The following GLIS3 variants were observed in gnomAD, a reference collection of about 807,000 sequenced individuals.
The protein encoded by GLIS3 is zinc finger protein GLIS3.
A neutral mutation model predicts 78.6 loss-of-function variants in GLIS3; 53 were observed. The observed-to-expected ratio is 0.67, with a 90% CI of 0.54 to 0.85. GLIS3 has a LOEUF of 0.85. GLIS3 is among the 40% of genes least tolerant of loss of function. The pLI is 0.00. For synonymous variants in GLIS3, 684 were observed against 509.9 expected, an observed-to-expected ratio of 1.34 and a Z score of -4.60; for missense variants, 1,703 against 1,231.1, an observed-to-expected ratio of 1.38 and a Z score of -5.74.
chr9:4,460,490 G>C, the GLIS3 span, among the ~76,000 whole-genome samples: 2 of 152,192 alleles, frequency 1.3e-5, no homozygotes, highest in Non-Finnish European at 2.9e-5. Flanking sequence ...GCGCCATGAA[G>C]ATGTAGGTAT....
Position 4,299,459 on chromosome 9 carries a change from G to T in GLIS3, c.-137C>A, listed in dbSNP as rs1419807296. ...TTTCCACAACAAAGCCCGGCGTGCG[G>T]GTCCCTTCCCCCGGCCGGCCAGCGC... On this transcript the variant is annotated 5_prime_UTR_variant, in exon 1 of 11. Coordinates refer to ENST00000381971, the MANE Select transcript of GLIS3 (RefSeq NM_001042413.2). 3 of 152,476 alleles carry T rather than the reference G, an allele frequency of 2.0e-5. No individual in the cohort carries two copies. Among genetic ancestry groups the T allele is most frequent in the African/African-American group, 7.2e-5 (3 of 41,450 alleles). 9.4% of individuals were successfully genotyped at this position (152,476 alleles called of 1,614,324 possible).
chr9:4,239,461 G>A (rs1018791369), intron 2 of GLIS3, among the ~76,000 whole-genome samples: 1 of 152,002 alleles, frequency 6.6e-6, no homozygotes, highest in Admixed American at 6.6e-5. Context: ...CTGCAGGGTT[G>A]GGGCTATTCC....
At chr9:4,036,513 G>A (rs951225185) in intron 4 of GLIS3, among the ~76,000 whole-genome samples, 2 of 152,230 alleles carry the variant, frequency 1.3e-5, no homozygotes, top group South Asian at 2.1e-4. Flanking sequence ...ATTGGTAACG[G>A]TTTCTATCAG....
At chr9:4,339,863 G>A (rs1444593395) in intron 2 of GLIS3, among the ~76,000 whole-genome samples, 1 of 31,216 alleles carries the variant, frequency 3.2e-5, no homozygotes, top group Non-Finnish European at 6.7e-5. Context: ...GGGGAGGGGT[G>A]GGGGAGGGGA....
the GLIS3 span, among the ~76,000 whole-genome samples, chr9:4,471,584 A>G: frequency 6.6e-6 from 1 of 152,228 alleles, no homozygotes; most frequent in Non-Finnish European, 1.5e-5. Flanking sequence ...TCCCTTCCTT[A>G]CACCCTATAC....
chr9:4,167,234 G>T (rs1564142518), intron 2 of GLIS3, among the ~76,000 whole-genome samples: 1 of 151,758 alleles, frequency 6.6e-6, no homozygotes, highest in African/African-American at 2.4e-5. Flanking sequence ...AGATTCCATA[G>T]AAGTATGTAT....
At chr9:4,143,371 A>G (rs1833957225) in intron 2 of GLIS3, among the ~76,000 whole-genome samples, 1 of 152,078 alleles carries the variant, frequency 6.6e-6, no homozygotes, top group African/African-American at 2.4e-5. Context: ...GTTCGAGACC[A>G]GCCTGTCCAA....
the GLIS3 span, among the ~76,000 whole-genome samples, chr9:4,387,660 A>C: frequency 2.2e-4 from 34 of 152,318 alleles, no homozygotes; most frequent in African/African-American, 7.7e-4. Context: ...TAGATCAAAG[A>C]ATGAGCTAGG....
At chr9:4,339,233 T>G (rs1817799053) in intron 2 of GLIS3, among the ~76,000 whole-genome samples, 1 of 152,218 alleles carries the variant, frequency 6.6e-6, no homozygotes, top group Admixed American at 6.5e-5. Context: ...ACTGGATTTG[T>G]CTTCTTCACT....
chr9:4,426,542 T>C, the GLIS3 span, among the ~76,000 whole-genome samples: 1 of 152,256 alleles, frequency 6.6e-6, no homozygotes, highest in East Asian at 1.9e-4. Context: ...TTTAAGACTG[T>C]GTAAAAACAG....
the GLIS3 span, among the ~76,000 whole-genome samples, chr9:4,446,695 A>G: frequency 6.8e-6 from 1 of 146,798 alleles, no homozygotes; most frequent in South Asian, 2.2e-4. Flanking sequence ...TTTTTTTTTA[A>G]GTAAAGAAGG....
intron 4 of GLIS3, among the ~76,000 whole-genome samples, chr9:4,109,294 A>C (rs969626520): frequency 7.9e-5 from 12 of 152,342 alleles, no homozygotes; most frequent in African/African-American, 2.9e-4. Context: ...TAACTAATGG[A>C]AAGCTACTCA....
chr9:4,398,504 G>C, the GLIS3 span, among the ~76,000 whole-genome samples: 1 of 151,832 alleles, frequency 6.6e-6, no homozygotes, highest in African/African-American at 2.4e-5. Flanking sequence ...CATTGAGGGG[G>C]TGGGGGCCTG....
intron 2 of GLIS3, among the ~76,000 whole-genome samples, chr9:4,264,043 G>C (rs1825763512): frequency 6.6e-6 from 1 of 152,028 alleles, no homozygotes; most frequent in African/African-American, 2.4e-5. Context: ...CTCCAGATTT[G>C]TATATCCAAC....
intron 2 of GLIS3, among the ~76,000 whole-genome samples, chr9:4,271,024 C>T (rs907080717): frequency 2.6e-5 from 4 of 151,966 alleles, no homozygotes; most frequent in Non-Finnish European, 4.4e-5. Context: ...CCTGAGACAG[C>T]AAAACCAACC....
At chr9:4,033,558 G>T (rs1824036302) in intron 4 of GLIS3, among the ~76,000 whole-genome samples, 1 of 152,098 alleles carries the variant, frequency 6.6e-6, no homozygotes, top group African/African-American at 2.4e-5. Context: ...TCAAAGCTAC[G>T]CTCCTTAAAG....
chr9:3,985,622 C>T (rs540627342), intron 4 of GLIS3, among the ~76,000 whole-genome samples: 17 of 152,260 alleles, frequency 1.1e-4, no homozygotes, highest in African/African-American at 4.1e-4. Context: ...ACAACAGCTA[C>T]TATTAGATTC....
intron 4 of GLIS3, among the ~76,000 whole-genome samples, chr9:4,090,343 C>T (rs1359763285): frequency 6.6e-6 from 1 of 151,984 alleles, no homozygotes; most frequent in Non-Finnish European, 1.5e-5. Flanking sequence ...ATTCATTCAT[C>T]TCGAGGATCT....
At chr9:4,349,722 A>C (rs1587398696), upstream of GLIS3, among the ~76,000 whole-genome samples, 1 of 100,912 alleles carries the variant, frequency 9.9e-6, no homozygotes, top group Non-Finnish European at 2.1e-5. Context: ...TAAAAGACAG[A>C]AAAAAAAATA....
Sources: gnomAD v4.1 joint callset for allele counts (sites outside exome capture counted in the v4.1 genomes callset) on GRCh38, gnomAD v4.1.1 for gene constraint, MANE v1.5 for transcripts, NCBI Gene and HGNC (gene_info 2026-07-23, HGNC 2026-07-21) for gene names.